The following TMEM120B variants were observed in gnomAD, a reference collection of about 807,000 sequenced individuals.
The protein encoded by TMEM120B is transmembrane protein 120B.
Under a neutral mutation model 55.5 loss-of-function variants are expected in TMEM120B, and 31 were observed. That is an observed-to-expected ratio of 0.56 (90% confidence interval 0.42 to 0.75). TMEM120B has a LOEUF of 0.75. Among genes scored for constraint, TMEM120B ranks in the 30% least tolerant of loss-of-function variants. The pLI is 0.00. For synonymous variants in TMEM120B, 203 were observed against 176.3 expected (o/e 1.15, Z -1.20); for missense variants, 399 against 425.5 (o/e 0.94, Z 0.55).
rs1044572090 is a variant in TMEM120B at position 121,725,301 on chromosome 12, G to A, written c.69+12337G>A. Among the ~76,000 whole-genome samples the A allele has an allele frequency of 2.6e-5, 4 of 152,164 alleles. No individual in the cohort carries two copies. The South Asian group carries it at 8.3e-4, about 32-fold the overall frequency. ...GGATTCGATGGTGGGAGTCAATCATGTTTAATGTGCTGGTGGTCCCTGCAC... is the reference window on the plus strand; with the variant it reads ...GGATTCGATGGTGGGAGTCAATCATATTTAATGTGCTGGTGGTCCCTGCAC... On this transcript the variant is annotated intron_variant, in intron 1 of 11. Coordinates refer to ENST00000449592, the MANE Select transcript of TMEM120B (RefSeq NM_001080825.2).
intron 6 of TMEM120B, among the ~76,000 whole-genome samples, chr12:121,769,195 G>A (rs535313140): frequency 6.6e-6 from 1 of 151,876 alleles, no homozygotes; most frequent in East Asian, 1.9e-4. Flanking sequence ...CCAGCTGGGG[G>A]AGTGCTGAGT....
chr12:121,750,439 A>G lies in TMEM120B; in HGVS notation c.365A>G (p.Lys122Arg). The G allele has an allele frequency of 6.2e-7, 1 of 1,611,138 alleles. No homozygotes were observed. Among genetic ancestry groups the G allele is most frequent in the Non-Finnish European group, 8.5e-7 (1 of 1,178,714 alleles). Residue 122 changes from lysine (K) to arginine (R), a missense_variant and splice_region_variant, in exon 4 of 12, where the codon AAG (lysine) becomes AGG (arginine). Lys to Arg is a conservative substitution (Grantham distance 26, BLOSUM62 2). Around this residue, in one of 3 missense-constraint regions of TMEM120B, gnomAD observed 260 missense variants for 303.9 expected, o/e 0.86. Transcript: ENST00000449592. ...GTGACCCTCCTCAGCAACCAGGCCA[A>G]GTAAGTGTCCCCCACCCACCACCCA... ...VNVTLLSNQA[K>R]FAYKDEYEKF...
At position 121,776,290 on chromosome 12, in the gene TMEM120B, G is replaced by A. The variant is rs575716503; in HGVS notation, c.*568G>A. 5.2e-5 allele frequency: 9 copies of A among 172,026 alleles called. No individual in the cohort carries two copies. Among genetic ancestry groups the A allele is most frequent in the Non-Finnish European group, 7.3e-5 (6 of 81,900 alleles). 10.7% of individuals were successfully genotyped at this position (172,026 alleles called of 1,614,324 possible). On this transcript the variant is annotated 3_prime_UTR_variant, in exon 12 of 12. Transcript: ENST00000449592. ...CTCGTGCTCTTCTTGCCCCTGGAGC[G>A]CTGGGGGCATCCTGAGTCAGGCTGT...
chr12:121,730,416 G>A (rs554368593), intron 1 of TMEM120B, among the ~76,000 whole-genome samples: 29 of 151,510 alleles, frequency 1.9e-4, no homozygotes, highest in South Asian at 1.3e-3. Flanking sequence ...GGAGGCAGAG[G>A]CGGGCAGATC....
At position 121,775,647 on chromosome 12, in the gene TMEM120B, C is replaced by T. The variant is rs760962779; in HGVS notation, c.945C>T (p.Leu315=). ...CGTTCACCTTCCTCATCCTCTTCCT[C>T]GGCAACTTCCTGACCACGCTCAAAG... ...VLAFTFLILF[L]GNFLTTLKVV... The change falls in exon 12 of 12, where the codon CTC becomes CTT. Residue 315 remains leucine (L), a synonymous_variant. Coordinates refer to ENST00000449592, the MANE Select transcript of TMEM120B (RefSeq NM_001080825.2). This position sits in a 1 kb window ranked among gnomAD's most constrained non-coding sequence, Gnocchi z 4.3. The T allele has an allele frequency of 2.6e-5, 42 of 1,613,916 alleles. 2 individuals carry two copies. Among genetic ancestry groups the T allele is most frequent in the East Asian group, 1.3e-4 (6 of 44,898 alleles).
At position 121,780,896 on chromosome 12, in the gene TMEM120B, C is replaced by G. The variant is rs775605500; in HGVS notation, c.*5174C>G. The G allele has an allele frequency of 1.2e-6, 2 of 1,613,680 alleles. No homozygotes were observed. The highest frequency in any genetic ancestry group is 3.3e-5 in the Admixed American group (2 of 60,000). Reference sequence around the variant, plus strand: ...CCTGCATGTAGGTGATGGGCTCCAGCTGGGCGGCCCGGAGCTTCCGCAGCT... The same window carrying G: ...CCTGCATGTAGGTGATGGGCTCCAGGTGGGCGGCCCGGAGCTTCCGCAGCT... On this transcript the variant is annotated 3_prime_UTR_variant, in exon 12 of 12. Transcript: ENST00000449592.
Position 121,775,986 on chromosome 12 carries a change from G to A in TMEM120B, c.*264G>A, listed in dbSNP as rs1419223165. The A allele has an allele frequency of 1.5e-5, 9 of 594,932 alleles. No homozygotes were observed. The highest frequency in any genetic ancestry group is 3.1e-4 in the Middle Eastern group (1 of 3,266). 36.9% of individuals were successfully genotyped at this position (594,932 alleles called of 1,614,324 possible). ...CCTGTGCTTGAAGGTGGCTGAGGCC[G>A]GGCCAGTCTTCCTGGGGATGGGGCC... On this transcript the variant is annotated 3_prime_UTR_variant, in exon 12 of 12. Coordinates refer to ENST00000449592, the MANE Select transcript of TMEM120B (RefSeq NM_001080825.2). This position sits in a 1 kb window ranked among gnomAD's most constrained non-coding sequence, Gnocchi z 4.3.
intron 6 of TMEM120B, among the ~76,000 whole-genome samples, chr12:121,764,877 C>T (rs1873797572): frequency 6.6e-6 from 1 of 152,114 alleles, no homozygotes; most frequent in Non-Finnish European, 1.5e-5. Flanking sequence ...GCCAGCCTCC[C>T]TTGCCTAACA....
At chr12:121,739,924 G>T (rs1488961478) in intron 1 of TMEM120B, among the ~76,000 whole-genome samples, 6 of 150,064 alleles carry the variant, frequency 4.0e-5, no homozygotes, top group African/African-American at 1.5e-4. Context: ...GATTACAGGT[G>T]CCCGCCACCA....
chr12:121,738,840 C>T (rs1447928294), intron 1 of TMEM120B, among the ~76,000 whole-genome samples: 8 of 152,144 alleles, frequency 5.3e-5, no homozygotes, highest in African/African-American at 1.9e-4. Flanking sequence ...AGGAAACATC[C>T]GCAGACCCCC....
chr12:121,715,777 T>A (rs1566503613), intron 1 of TMEM120B, among the ~76,000 whole-genome samples: 2 of 152,010 alleles, frequency 1.3e-5, no homozygotes, highest in Non-Finnish European at 2.9e-5. Flanking sequence ...AAACTGAAGC[T>A]TGGGCATGCT....
In TMEM120B at chr12:121,742,481, G is replaced by A. The variant is rs7963566; in HGVS notation, c.70-1148G>A. On this transcript the variant is annotated intron_variant, in intron 1 of 11. Transcript: ENST00000449592. ...ATGTTTGTTGGCTTATCGTTGCTTT[G>A]TTTTTCAATGTTTTTTAATTCCTCA... Among the ~76,000 whole-genome samples the A allele has an allele frequency of 3.7e-3, 567 of 152,198 alleles. 8 individuals carry two copies. The highest frequency in any genetic ancestry group is 0.013 in the African/African-American group (543 of 41,536).
chr12:121,735,290 A>G (rs370175789), intron 1 of TMEM120B, among the ~76,000 whole-genome samples: 112 of 152,258 alleles, frequency 7.4e-4, no homozygotes, highest in African/African-American at 2.5e-3. Flanking sequence ...CTTATTACCA[A>G]TTTATACTAG....
chr12:121,749,790 C>T (rs566379752), intron 3 of TMEM120B, among the ~76,000 whole-genome samples: 1 of 151,946 alleles, frequency 6.6e-6, no homozygotes, highest in African/African-American at 2.4e-5. Context: ...CCTGTAATCC[C>T]AGCTACTTGG....
chr12:121,731,434 T>C (rs1895001027), intron 1 of TMEM120B, among the ~76,000 whole-genome samples: 1 of 152,160 alleles, frequency 6.6e-6, no homozygotes, highest in Non-Finnish European at 1.5e-5. Context: ...GTAGTATTTT[T>C]AGCAGAGAAG....
At chr12:121,763,746 G>C (rs1055583852) in intron 6 of TMEM120B, among the ~76,000 whole-genome samples, 1 of 151,990 alleles carries the variant, frequency 6.6e-6, no homozygotes, top group African/African-American at 2.4e-5. Flanking sequence ...CCCTGCCAAC[G>C]TGCCATTCCG....
chr12:121,741,487 G>A (rs1381101895), intron 1 of TMEM120B, among the ~76,000 whole-genome samples: 7 of 152,048 alleles, frequency 4.6e-5, no homozygotes. Context: ...GTGCCATCAC[G>A]CCTGGCTAAT....
chr12:121,735,190 AAAAAAAAAAAC>A (rs1180024708), intron 1 of TMEM120B, among the ~76,000 whole-genome samples: 4 of 150,632 alleles, frequency 2.7e-5, no homozygotes, highest in Admixed American at 2.0e-4. Flanking sequence ...TGTCTCAAAA[AAAAAAAAAAAC>A]AAAAAAAAAA....
intron 5 of TMEM120B, among the ~76,000 whole-genome samples, chr12:121,753,983 C>T (rs1015784847): frequency 6.6e-6 from 1 of 152,236 alleles, no homozygotes; most frequent in Non-Finnish European, 1.5e-5. Context: ...CTGCTGCTGC[C>T]CTGCCTGGGC....
Sources: allele counts gnomAD v4.1 joint callset (sites outside exome capture counted in the v4.1 genomes callset), GRCh38; gene constraint gnomAD v4.1.1; regional missense constraint gnomAD v4.1.1; non-coding constraint Gnocchi (gnomAD v3.1); transcripts MANE v1.5; gene names NCBI Gene and HGNC (gene_info 2026-07-23, HGNC 2026-07-21).